The following NFILZ variants were observed in gnomAD, a reference collection of about 807,000 sequenced individuals.
NFILZ encodes NFIL3 like basic leucine zipper, also known as NFIL3 like protein.
rs1275987540 is a variant in NFILZ, at chr19:8,647,787, GCGCGCGCGCACACACACACACA to G, written c.-164+12043_-164+12064del. ...CACACACACGCACACATGCGCGCGCGCGCGCGCGCACACACACACACACACACACACACACACACACACACAC... is the reference window on the plus strand; with the variant it reads ...CACACACACGCACACATGCGCGCGCGCACACACACACACACACACACACAC... On this transcript the variant is annotated intron_variant, in intron 3 of 5. Coordinates refer to ENST00000691075, the MANE Select transcript of NFILZ (RefSeq NM_001378600.1). Among the ~76,000 whole-genome samples the G allele has an allele frequency of 1.9e-4, 18 of 94,964 alleles. No individual in the cohort carries two copies. In the Middle Eastern group the frequency reaches 0.023, roughly 121 times the overall value. 62.3% of individuals were successfully genotyped at this position (94,964 alleles called of 152,430 possible).
Position 8,679,311 on chromosome 19 carries a change from A to G in NFILZ, c.*1676A>G, listed in dbSNP as rs2043134414. Among the ~76,000 whole-genome samples the G allele has an allele frequency of 6.9e-6, 1 of 144,336 alleles. No homozygotes were observed. Among genetic ancestry groups the G allele is most frequent in the Non-Finnish European group, 1.5e-5 (1 of 67,610 alleles). The allele number at this position is 144,336 out of a possible 152,430, so 94.7% of individuals were successfully genotyped here. ...TTATTATTATTATTATTATTACATC[A>G]GGGATCTTGTTAGATTCTAGATAAA... On this transcript the variant is annotated 3_prime_UTR_variant, in exon 6 of 6. Coordinates refer to ENST00000691075, the MANE Select transcript of NFILZ (RefSeq NM_001378600.1).
chr19:8,650,729 G>T (rs1255592091), intron 3 of NFILZ, among the ~76,000 whole-genome samples: 2 of 151,426 alleles, frequency 1.3e-5, no homozygotes, highest in African/African-American at 4.9e-5. Context: ...GGACATTGAT[G>T]CTGATAGAAT....
At chr19:8,664,275 G>A (rs2043051317) in intron 3 of NFILZ, among the ~76,000 whole-genome samples, 1 of 152,216 alleles carries the variant, frequency 6.6e-6, no homozygotes, top group Admixed American at 6.5e-5. Context: ...CTGAGGCTCA[G>A]GAAAGAGGAG....
chr19:8,638,259 C>T (rs543794479), intron 3 of NFILZ, among the ~76,000 whole-genome samples: 10 of 152,280 alleles, frequency 6.6e-5, no homozygotes, highest in African/African-American at 2.4e-4. Context: ...GAAGTGCGCA[C>T]ACTTATCCTG....
At chr19:8,643,029 A>C (rs900564648) in intron 3 of NFILZ, among the ~76,000 whole-genome samples, 3 of 148,698 alleles carry the variant, frequency 2.0e-5, no homozygotes, top group Non-Finnish European at 3.0e-5. Flanking sequence ...AGTTTACTGC[A>C]TCCTCAACCT....
At chr19:8,652,827 T>TC (rs1307835791) in intron 3 of NFILZ, among the ~76,000 whole-genome samples, 2 of 150,940 alleles carry the variant, frequency 1.3e-5, no homozygotes, top group Admixed American at 1.3e-4. Context: ...CTCTCTTCTT[T>TC]CTCACTTTCT....
chr19:8,669,069 G>A (rs1210392791), intron 3 of NFILZ, among the ~76,000 whole-genome samples: 2 of 151,992 alleles, frequency 1.3e-5, no homozygotes, highest in Admixed American at 6.6e-5. Flanking sequence ...TCAGTCTCCC[G>A]AGTAGCTGGG....
At chr19:8,676,600 A>G (rs1160913227) in intron 5 of NFILZ, among the ~76,000 whole-genome samples, 144 bp downstream of exon 5, 4 of 152,158 alleles carry the variant, frequency 2.6e-5, no homozygotes, top group Non-Finnish European at 5.9e-5. Flanking sequence ...TGGGCATCAA[A>G]CAGATGAAGA....
intron 3 of NFILZ, among the ~76,000 whole-genome samples, chr19:8,649,565 C>A (rs2146146067): frequency 6.6e-6 from 1 of 152,042 alleles, no homozygotes; most frequent in South Asian, 2.1e-4. Flanking sequence ...CCGTGCCCGG[C>A]ATAATTAAGC....
chr19:8,635,988 C>T lies in NFILZ; in HGVS notation c.-164+242C>T, dbSNP rs147796643. Among the ~76,000 whole-genome samples, 9 of 152,144 alleles carry T rather than the reference C, an allele frequency of 5.9e-5. No homozygotes were observed. In the East Asian group the frequency reaches 1.6e-3, roughly 27 times the overall value. ...AGTAGCTGGAATTACAGGTGCGCAC[C>T]ACCACACCCAGCTGATTTTTGTATT... On this transcript the variant is annotated intron_variant, in intron 3 of 5. Coordinates refer to ENST00000691075, the MANE Select transcript of NFILZ (RefSeq NM_001378600.1).
At chr19:8,639,898 CTATT>C (rs1310356515) in intron 3 of NFILZ, among the ~76,000 whole-genome samples, 1 of 152,142 alleles carries the variant, frequency 6.6e-6, no homozygotes, top group Non-Finnish European at 1.5e-5. Flanking sequence ...CTCTCTAACA[CTATT>C]TAAAAAACCC....
chr19:8,655,484 C>T (rs562258979), intron 3 of NFILZ, among the ~76,000 whole-genome samples: 4 of 152,168 alleles, frequency 2.6e-5, no homozygotes, highest in Admixed American at 1.3e-4. Context: ...TGCGGGGACA[C>T]CCCTGGAGGG....
In NFILZ at chr19:8,630,687, A is replaced by T. The variant is rs553179389; in HGVS notation, c.-468A>T. Reference sequence around the variant, plus strand: ...GGAAGTGGGAAAGAGCTCTAGGGGAACCTGAGGGCTTGGGTGGAAGACTGG... The same window carrying T: ...GGAAGTGGGAAAGAGCTCTAGGGGATCCTGAGGGCTTGGGTGGAAGACTGG... On this transcript the variant is annotated 5_prime_UTR_variant, in exon 1 of 6. Transcript: ENST00000691075. The T allele has an allele frequency of 2.0e-5, 3 of 152,486 alleles. No individual in the cohort carries two copies. The highest frequency in any genetic ancestry group is 2.9e-5 in the Non-Finnish European group (2 of 68,238). 9.4% of individuals were successfully genotyped at this position (152,486 alleles called of 1,614,324 possible). A position where few individuals can be genotyped will look rare whatever the true frequency, so the allele number is the denominator to read the frequency against.
chr19:8,670,590 T>G lies in NFILZ; in HGVS notation c.-163-3961T>G, dbSNP rs2043081992. Reference sequence around the variant, plus strand: ...ATACAGTCTGATTGGATCCTCTCTTTCCCAAAGGGGTGGATGCCGGAGACC... The same window carrying G: ...ATACAGTCTGATTGGATCCTCTCTTGCCCAAAGGGGTGGATGCCGGAGACC... On this transcript the variant is annotated intron_variant, in intron 3 of 5. Transcript: ENST00000691075. Among the ~76,000 whole-genome samples the G allele has an allele frequency of 2.0e-5, 3 of 152,192 alleles. No homozygotes were observed. The South Asian group carries it at 6.2e-4, about 32-fold the overall frequency.
intron 3 of NFILZ, among the ~76,000 whole-genome samples, chr19:8,673,746 G>A (rs2043098717): frequency 6.6e-6 from 1 of 152,132 alleles, no homozygotes; most frequent in South Asian, 2.1e-4. Context: ...AGTCCCTTCT[G>A]TGACTAGGTG....
intron 3 of NFILZ, among the ~76,000 whole-genome samples, chr19:8,640,047 G>A (rs1480724628): frequency 2.0e-5 from 3 of 152,116 alleles, no homozygotes; most frequent in African/African-American, 7.2e-5. Context: ...TCTCTCCCAC[G>A]ACCTGTGGGA....
chr19:8,654,835 C>A (rs1236265477), intron 3 of NFILZ, among the ~76,000 whole-genome samples: 2 of 152,156 alleles, frequency 1.3e-5, no homozygotes, highest in African/African-American at 4.8e-5. Context: ...TCTCCTTTTC[C>A]AATCTGCAGC....
At chr19:8,649,329 T>A (rs2042955332) in intron 3 of NFILZ, among the ~76,000 whole-genome samples, 3 of 151,684 alleles carry the variant, frequency 2.0e-5, no homozygotes, top group Admixed American at 6.6e-5. Flanking sequence ...GCAGTGGTGT[T>A]ATCTTGGCTC....
rs986038467 is a variant in NFILZ at position 8,678,733 on chromosome 19, A to G, written c.*1098A>G. On this transcript the variant is annotated 3_prime_UTR_variant, in exon 6 of 6. Transcript: ENST00000691075. ...CATCCATCCTTTCATTCATTTATTC[A>G]TTTAGCCACTCATTTATGTGCTAAC... is the stretch of plus-strand genomic sequence containing the variant. Among the ~76,000 whole-genome samples, 2 of 152,170 alleles carry G rather than the reference A, an allele frequency of 1.3e-5. No individual in the cohort carries two copies. The highest frequency in any genetic ancestry group is 1.3e-4 in the Admixed American group (2 of 15,280).
Sources: gnomAD v4.1 joint callset for allele counts (sites outside exome capture counted in the v4.1 genomes callset) on GRCh38, gnomAD v4.1.1 for gene constraint, MANE v1.5 for transcripts, NCBI Gene and HGNC (gene_info 2026-07-23, HGNC 2026-07-21) for gene names.